ZNF763: variants seen among roughly 807,000 people sequenced by gnomAD.
ZNF763 encodes DNA-binding protein.
In ZNF763, 33 loss-of-function variants were observed where a neutral mutation model predicts 38.0. That is an observed-to-expected ratio of 0.87 (90% CI 0.66 to 1.16). The LOEUF (loss-of-function observed/expected upper bound fraction) is 1.16, where lower values mean the gene tolerates loss of function less well. Among genes scored for constraint, ZNF763 ranks in the 50% most tolerant of loss-of-function variants. ZNF763 has a pLI of 0.00. For synonymous variants in ZNF763, 155 were observed against 160.1 expected (o/e 0.97, Z 0.24); for missense variants, 423 against 469.1 (o/e 0.90, Z 0.91).
intron 1 of ZNF763, among the ~76,000 whole-genome samples, chr19:11,973,784 T>C (rs892580940): frequency 6.6e-6 from 1 of 151,982 alleles, no homozygotes. Flanking sequence ...TGAGTAAGGC[T>C]GCTAAAAATG....
chr19:11,978,396 T>A lies in ZNF763; in HGVS notation c.472T>A (p.Ser158Thr), dbSNP rs1235308103. 6.2e-7 allele frequency: 1 copy of A among 1,614,124 alleles called. No homozygotes were observed. The highest frequency in any genetic ancestry group is 8.5e-7 in the Non-Finnish European group (1 of 1,180,004). The change falls in exon 4 of 4, where the codon TCC (serine) becomes ACC (threonine). Residue 158 changes from serine to threonine, a missense_variant. Physicochemically the swap from Ser to Thr is moderately conservative, Grantham distance 58. Transcript: ENST00000358987. ...TAAGAAAGCCTTCAGATATCACCCC[T>A]CCTTTAGAACACAAGAAAGGAATCA... ...QPKKAFRYHP[S>T]FRTQERNHTG...
intron 1 of ZNF763, 138 bp from the exon 2 acceptor site, chr19:11,976,900 C>A: frequency 6.6e-7 from 1 of 1,524,700 alleles, no homozygotes; most frequent in African/African-American, 1.4e-5. Flanking sequence ...GAAGAAAGTA[C>A]AGAAAGCGAG....
intron 1 of ZNF763, among the ~76,000 whole-genome samples, chr19:11,966,860 G>A (rs1056607911): frequency 1.3e-5 from 2 of 152,074 alleles, no homozygotes; most frequent in African/African-American, 4.8e-5. Flanking sequence ...GATAGCAATG[G>A]CCCAAACAGG....
At chr19:11,974,186 CTTTCTT>C (rs1973432598) in intron 1 of ZNF763, among the ~76,000 whole-genome samples, 1 of 45,608 alleles carries the variant, frequency 2.2e-5, no homozygotes, top group Non-Finnish European at 3.8e-5. Flanking sequence ...TTCTTTCTTT[CTTTCTT>C]TCTCTCTTTT....
chr19:11,975,327 AC>A (rs1187776897), intron 1 of ZNF763, among the ~76,000 whole-genome samples: 2 of 146,634 alleles, frequency 1.4e-5, no homozygotes, highest in Non-Finnish European at 3.0e-5. Context: ...CCCCACCCAC[AC>A]CCCCCAAAGT....
chr19:11,971,701 GA>G (rs1351587090), intron 1 of ZNF763, among the ~76,000 whole-genome samples: 1 of 152,078 alleles, frequency 6.6e-6, no homozygotes, highest in Admixed American at 6.6e-5. Flanking sequence ...TTTCAGTGTA[GA>G]CTTTTTGCAT....
At chr19:11,972,789 C>T (rs755755101) in intron 1 of ZNF763, among the ~76,000 whole-genome samples, 21 of 152,208 alleles carry the variant, frequency 1.4e-4, no homozygotes, top group Middle Eastern at 3.4e-3. Context: ...CATAATTCCC[C>T]CTGTTTTAAA....
Position 11,979,162 on chromosome 19 carries a change from G to A in ZNF763, c.*53G>A. The A allele has an allele frequency of 6.2e-7, 1 of 1,611,914 alleles. No homozygotes were observed. On this transcript the variant is annotated 3_prime_UTR_variant, in exon 4 of 4. Transcript: ENST00000358987. The stretch of plus-strand genomic sequence containing the variant: ...TTCTGCCAAGTCATTTCGAAGACAT[G>A]AAAAAACTCACACTGGAGAGAAACC...
chr19:11,977,538 C>T (rs1201828742), intron 3 of ZNF763, 107 bp downstream of exon 3: 3 of 1,359,042 alleles, frequency 2.2e-6, no homozygotes, highest in Admixed American at 2.1e-5. Context: ...AAATTCATCT[C>T]TTCTTAGAAT....
At chr19:11,973,670 C>A (rs1006544188) in intron 1 of ZNF763, among the ~76,000 whole-genome samples, 1 of 151,870 alleles carries the variant, frequency 6.6e-6, no homozygotes, top group Admixed American at 6.6e-5. Context: ...TTGCTTGAGG[C>A]CATCAGTTAG....
At chr19:11,974,147 T>G (rs1472667552) in intron 1 of ZNF763, among the ~76,000 whole-genome samples, 1 of 122,818 alleles carries the variant, frequency 8.1e-6, no homozygotes, top group East Asian at 2.1e-4. Context: ...TCTTTCTTTC[T>G]TTCTTTCTTT....
Position 11,978,826 on chromosome 19 carries a change from T to C in ZNF763, c.902T>C (p.Ile301Thr). 1.2e-6 allele frequency: 2 copies of C among 1,614,158 alleles called. No homozygotes were observed. Residue 301 changes from isoleucine (I) to threonine (T), a missense_variant, in exon 4 of 4, where the codon ATA (isoleucine) becomes ACA (threonine). Coordinates refer to ENST00000358987, the MANE Select transcript of ZNF763 (RefSeq NM_001367172.2). ...KSFSWCHSFQ[I>T]HERTHTGEKP... ...TTCAGTTGGTGTCATTCCTTTCAAATACATGAAAGAACTCACACTGGGGAG... is the reference window on the plus strand; with the variant it reads ...TTCAGTTGGTGTCATTCCTTTCAAACACATGAAAGAACTCACACTGGGGAG...
In ZNF763 at chr19:11,977,348, AC is replaced by A. The variant is rs369193341; in HGVS notation, c.131-22del. The A allele has an allele frequency of 1.3e-3, 2,054 of 1,613,286 alleles. 3 individuals carry two copies. Among genetic ancestry groups the A allele is most frequent in the Non-Finnish European group, 1.7e-3 (1,989 of 1,179,642 alleles). On this transcript the variant is annotated intron_variant, in intron 2 of 3. Transcript: ENST00000358987. ...CACAGTTTTATATTGCTTCAGGACT[AC>A]TTTTCTGTGTCTGTATTTTAGGGAA...
rs1228524194 is a variant in ZNF763 at position 11,978,171 on chromosome 19, AC to A, written c.248del (p.Thr83IlefsTer10). ...TAAAGAAGACAGTCATTGTGGAGAA[AC>A]TTTTACCCAGGTTCCAGATGACAGG... ...EIKEDSHCGETFTQVPDDRLN... is the reference protein window; with the variant it reads ...EIKEDSHCGEXFTQVPDDRLN... On this transcript the variant is annotated frameshift_variant, in exon 4 of 4. Coordinates refer to ENST00000358987, the MANE Select transcript of ZNF763 (RefSeq NM_001367172.2). LOFTEE classifies it high-confidence loss of function. 4 of 1,613,732 alleles carry A rather than the reference AC, an allele frequency of 2.5e-6. No individual in the cohort carries two copies. Among genetic ancestry groups the A allele is most frequent in the East Asian group, 2.2e-5 (1 of 44,894 alleles).
chr19:11,968,640 T>G (rs1486232183), intron 1 of ZNF763, among the ~76,000 whole-genome samples: 1 of 152,202 alleles, frequency 6.6e-6, no homozygotes, highest in Non-Finnish European at 1.5e-5. Context: ...AAAAGTGAAT[T>G]TAATATTCTA....
In ZNF763 at chr19:11,978,864, T is replaced by A; in HGVS notation, c.940T>A (p.Cys314Ser). ...TCACACTGGGGAGAAGCCCTGTGAA[T>A]GTAGCAAATGTAATAAAGCATTCCG... The part of the protein sequence containing the change: ...RTHTGEKPCE[C>S]SKCNKAFRSY... The change falls in exon 4 of 4, where the codon TGT becomes AGT. Residue 314 changes from cysteine to serine, a missense_variant. Coordinates refer to ENST00000358987, the MANE Select transcript of ZNF763 (RefSeq NM_001367172.2). 6.2e-7 allele frequency: 1 copy of A among 1,614,180 alleles called. No individual in the cohort carries two copies. Among genetic ancestry groups the A allele is most frequent in the South Asian group, 1.1e-5 (1 of 91,090 alleles).
chr19:11,979,950 C>A lies in ZNF763; in HGVS notation c.*841C>A, dbSNP rs279142. ...TATTCTGCCAAGTCATTTCAAATAC[C>A]TGAAAAATCTTACACTGGAGAGAAA... On this transcript the variant is annotated 3_prime_UTR_variant, in exon 4 of 4. Transcript: ENST00000358987. 0.89 allele frequency: 1,112,759 copies of A among 1,246,454 alleles called. 498,087 individuals are homozygous for A. The highest frequency in any genetic ancestry group is 0.98 in the African/African-American group (65,104 of 66,660). The allele number at this position is 1,246,454 out of a possible 1,614,324, so 77.2% of individuals were successfully genotyped here.
intron 3 of ZNF763, among the ~76,000 whole-genome samples, chr19:11,977,856 C>T (rs143757028): frequency 2.6e-5 from 4 of 152,140 alleles, no homozygotes; most frequent in South Asian, 2.1e-4. Flanking sequence ...GACCCTGACT[C>T]GAAAGAAAAA....
chr19:11,977,967 G>T (rs886528241), intron 3 of ZNF763, 149 bp from the exon 4 acceptor site: 1 of 942,694 alleles, frequency 1.1e-6, no homozygotes, highest in Middle Eastern at 3.4e-4. Context: ...ATGTCACCTT[G>T]TAGAACATGT....
Sources: gnomAD v4.1 joint callset for allele counts (sites outside exome capture counted in the v4.1 genomes callset) on GRCh38, gnomAD v4.1.1 for gene constraint, MANE v1.5 for transcripts, NCBI Gene and HGNC (gene_info 2026-07-23, HGNC 2026-07-21) for gene names.